The following CCDC92 variants were observed in gnomAD, a reference collection of about 807,000 sequenced individuals.
CCDC92 encodes coiled-coil domain containing 92, also known as coiled-coil domain-containing protein 92.
In CCDC92, 12 loss-of-function variants were observed where a neutral mutation model predicts 24.9. The ratio of observed to expected loss-of-function variants is 0.48; its 90% confidence interval spans 0.31 to 0.78. The LOEUF (loss-of-function observed/expected upper bound fraction) is 0.78, where lower values mean the gene tolerates loss of function less well. Among genes scored for constraint, CCDC92 ranks in the 30% least tolerant of loss-of-function variants. The pLI is 0.05. For missense variants in CCDC92, 399 were observed against 439.4 expected, an observed-to-expected ratio of 0.91 and a Z score of 0.82; for synonymous variants, 193 against 196.3, an observed-to-expected ratio of 0.98 and a Z score of 0.14.
At chr12:123,966,881 T>C (rs1264535207) in intron 1 of CCDC92, among the ~76,000 whole-genome samples, 1 of 152,170 alleles carries the variant, frequency 6.6e-6, no homozygotes, top group African/African-American at 2.4e-5. Context: ...CAAAAAGGGA[T>C]GAGACACAAG....
intron 1 of CCDC92, among the ~76,000 whole-genome samples, chr12:123,946,970 T>C (rs955284798): frequency 1.3e-5 from 2 of 151,694 alleles, no homozygotes; most frequent in Admixed American, 1.3e-4. Context: ...GAACCGGGGC[T>C]GCGTGCGGCG....
At chr12:123,939,280 T>C (rs1453742866) in intron 4 of CCDC92, among the ~76,000 whole-genome samples, 1 of 152,122 alleles carries the variant, frequency 6.6e-6, no homozygotes, top group East Asian at 1.9e-4. Context: ...TGCTTTGAAT[T>C]TTCCCACCTG....
At position 123,937,239 on chromosome 12, in the gene CCDC92, C is replaced by T. The variant is rs557015529; in HGVS notation, c.815G>A (p.Arg272Gln). 52 of 1,610,374 alleles carry T rather than the reference C, an allele frequency of 3.2e-5. No homozygotes were observed. Among genetic ancestry groups the T allele is most frequent in the African/African-American group, 6.7e-5 (5 of 75,004 alleles). The stretch of plus-strand genomic sequence containing the variant: ...GGCCGGGCTGTGCTGCTCGCCGCTT[C>T]GGTCGGAGGCGATGGGGGGGATGAC... ...PLVIPPIASD[R>Q]SGEQHSPARE... is the part of the protein sequence containing the mutation. The change falls in exon 5 of 5, where the codon CGA (arginine) becomes CAA (glutamine). Residue 272 changes from arginine (R) to glutamine (Q), a missense_variant. Coordinates refer to ENST00000238156, the MANE Select transcript of CCDC92 (RefSeq NM_025140.3). The surrounding 1 kb of genome is among the most constrained non-coding windows in gnomAD (Gnocchi z 8.4).
chr12:123,940,172 G>A lies in CCDC92; in HGVS notation c.224-2342C>T, dbSNP rs774876776. ...CAGCCCACAAAGGCAGAGGGCCCTG[G>A]TGGTCGGACTGGGGACTTGGATTTG... On this transcript the variant is annotated intron_variant, in intron 4 of 4. Transcript: ENST00000238156. 3.3e-5 allele frequency among the ~76,000 whole-genome samples: 5 copies of A among 152,352 alleles called. No homozygotes were observed. The East Asian group carries it at 5.8e-4, about 18-fold the overall frequency.
chr12:123,967,697 G>A (rs531374311), intron 1 of CCDC92, among the ~76,000 whole-genome samples: 77 of 152,260 alleles, frequency 5.1e-4, no homozygotes, highest in Non-Finnish European at 1.0e-3. Flanking sequence ...GCATTATATC[G>A]AAGATGATCT....
chr12:123,969,043 CCA>C (rs1956459182), intron 1 of CCDC92, among the ~76,000 whole-genome samples: 1 of 152,300 alleles, frequency 6.6e-6, no homozygotes, highest in African/African-American at 2.4e-5. Context: ...TGCTTCTTAG[CCA>C]CAGACTGGAG....
chr12:123,951,133 A>G (rs1956014712), intron 1 of CCDC92, among the ~76,000 whole-genome samples: 1 of 152,198 alleles, frequency 6.6e-6, no homozygotes, highest in Non-Finnish European at 1.5e-5. Flanking sequence ...CTTCCTGCAC[A>G]TCTGAACTCA....
At chr12:123,955,376 AT>A (rs747179070) in intron 1 of CCDC92, among the ~76,000 whole-genome samples, 1 of 152,224 alleles carries the variant, frequency 6.6e-6, no homozygotes, top group Non-Finnish European at 1.5e-5. Flanking sequence ...TAACTAAAAG[AT>A]ACAGTGATCC....
chr12:123,956,210 A>G (rs1956147065), intron 1 of CCDC92: 1 of 152,230 alleles, frequency 6.6e-6, no homozygotes, highest in African/African-American at 2.4e-5. Context: ...TTGAACATTT[A>G]TTTATTTGGA....
intron 4 of CCDC92, 97 bp downstream of exon 4, chr12:123,942,647 G>C (rs913518463): frequency 2.1e-6 from 2 of 930,932 alleles, no homozygotes; most frequent in Admixed American, 3.4e-5. Flanking sequence ...TTCCCAGCAA[G>C]AGCATTTTCT....
At chr12:123,948,120 A>G (rs907774223) in intron 1 of CCDC92, among the ~76,000 whole-genome samples, 13 of 152,316 alleles carry the variant, frequency 8.5e-5, no homozygotes, top group African/African-American at 3.1e-4. Flanking sequence ...CTTTACAGGC[A>G]CACCTTGCTC....
intron 1 of CCDC92, 55 bp from the exon 2 acceptor site, chr12:123,944,419 C>A (rs977596273): frequency 1.0e-6 from 1 of 974,648 alleles, no homozygotes; most frequent in African/African-American, 1.7e-5. Context: ...AATACAGAAC[C>A]TCAGAATGCA....
In CCDC92 at chr12:123,936,721, G is replaced by GAATT. The variant is rs1955506484; in HGVS notation, c.*333_*336dup. On this transcript the variant is annotated 3_prime_UTR_variant, in exon 5 of 5. Transcript: ENST00000238156. The stretch of plus-strand genomic sequence containing the variant: ...GTATGTGTTGCTCCGACTTGAGAAT[G>GAATT]AATTAGGTGTGTGACTGTGTGGCAT... 4.9e-6 allele frequency: 2 copies of GAATT among 407,892 alleles called. No individual in the cohort carries two copies. The highest frequency in any genetic ancestry group is 8.8e-6 in the Non-Finnish European group (2 of 226,326). The allele number at this position is 407,892 out of a possible 1,614,324, so 25.3% of individuals were successfully genotyped here.
rs748768885 is a variant in CCDC92, at chr12:123,943,446, G to A, written c.82C>T (p.His28Tyr). Reference protein sequence around the residue: ...MAATNLENQLHSAQKNLLFLQ... With the variant: ...MAATNLENQLYSAQKNLLFLQ... ...AACAGGAGGTTCTTCTGTGCGCTGT[G>A]CAGCTGGTTCTCCAGGTTTGTGGCT... Residue 28 changes from histidine to tyrosine, a missense_variant, in exon 3 of 5, where the codon CAC (histidine) becomes TAC (tyrosine). Transcript: ENST00000238156. 2.5e-6 allele frequency: 4 copies of A among 1,614,106 alleles called. No homozygotes were observed. Among genetic ancestry groups the A allele is most frequent in the Non-Finnish European group, 3.4e-6 (4 of 1,180,050 alleles).
At chr12:123,970,707 T>TA (rs1956506733) in intron 1 of CCDC92, among the ~76,000 whole-genome samples, 2 of 152,262 alleles carry the variant, frequency 1.3e-5, no homozygotes. Context: ...TAATTAATCT[T>TA]AGTTACCAAA....
At chr12:123,968,903 A>G (rs1291068247) in intron 1 of CCDC92, among the ~76,000 whole-genome samples, 2 of 152,208 alleles carry the variant, frequency 1.3e-5, no homozygotes, top group Non-Finnish European at 2.9e-5. Flanking sequence ...TTAATTCAGA[A>G]TTGTTTTTTC....
chr12:123,953,215 T>C (rs973627180), intron 1 of CCDC92, among the ~76,000 whole-genome samples: 1 of 134,886 alleles, frequency 7.4e-6, no homozygotes. Flanking sequence ...CTCTAAAAGC[T>C]AGAAGAGGAA....
chr12:123,963,023 CA>C (rs1296397177), intron 1 of CCDC92, among the ~76,000 whole-genome samples: 3 of 152,132 alleles, frequency 2.0e-5, no homozygotes, highest in Non-Finnish European at 4.4e-5. Flanking sequence ...GCTGTGCCCC[CA>C]GGGGGCATCT....
chr12:123,955,645 A>G (rs1031655363), intron 1 of CCDC92, among the ~76,000 whole-genome samples: 72 of 152,026 alleles, frequency 4.7e-4, no homozygotes, highest in African/African-American at 1.7e-3. Context: ...GAAGCTCTAT[A>G]CACCTTTTTT....
Sources: allele counts gnomAD v4.1 joint callset (sites outside exome capture counted in the v4.1 genomes callset), GRCh38; gene constraint gnomAD v4.1.1; non-coding constraint Gnocchi (gnomAD v3.1); transcripts MANE v1.5; gene names NCBI Gene and HGNC (gene_info 2026-07-23, HGNC 2026-07-21).